LST1: variants seen among roughly 807,000 people sequenced by gnomAD.
LST1 encodes leukocyte specific transcript 1.
Under a neutral mutation model 8.5 loss-of-function variants are expected in LST1, and 9 were observed. The observed-to-expected ratio is 1.06, with a 90% CI of 0.64 to 1.85. The LOEUF (loss-of-function observed/expected upper bound fraction) is 1.85. Among genes scored for constraint, LST1 ranks in the 40% most tolerant of loss-of-function variants. The pLI is 0.00. For synonymous variants in LST1, 53 were observed against 50.4 expected (o/e 1.05, Z -0.21); for missense variants, 121 against 117.1 (o/e 1.03, Z -0.16).
In LST1 at chr6:31,587,672, C is replaced by T. The variant is rs777328111; in HGVS notation, c.51C>T (p.Gly17=). The part of the protein sequence containing the change: ...DICIYGGLGL[G]GLLLLAVVLL... ...GTATCTACGGGGGCCTGGGGCTGGG[C>T]GGGCTCCTGCTTCTGGCAGTGGTCC... The change falls in exon 3 of 5, where the codon GGC becomes GGT. Residue 17 remains glycine (G), a synonymous_variant. Transcript: ENST00000438075. 32 of 1,602,882 alleles carry T rather than the reference C, an allele frequency of 2.0e-5. No individual in the cohort carries two copies. The highest frequency in any genetic ancestry group is 2.5e-5 in the Non-Finnish European group (29 of 1,175,924).
At chr6:31,588,192 G>A in intron 4 of LST1, 2 of 574,352 alleles carry the variant, frequency 3.5e-6, no homozygotes, top group Non-Finnish European at 6.1e-6. Context: ...GAGAAAATGA[G>A]AGTGAGAGAG....
chr6:31,588,224 A>AAGAG (rs41266647), intron 4 of LST1: 13 of 551,164 alleles, frequency 2.4e-5, no homozygotes, highest in Non-Finnish European at 3.9e-5. Context: ...AGAGCAATGA[A>AAGAG]AGAGAGAGAG....
rs943445852 is a variant in LST1, at chr6:31,586,487, G to A, written c.-101+172G>A. Among the ~76,000 whole-genome samples the A allele has an allele frequency of 4.6e-5, 7 of 152,204 alleles. 1 individual carries two copies. ...AAAGACAATTCATTTCTGTGCCCAC[G>A]GCCCTTATGGCCTCCACCTGCACTT... is the stretch of plus-strand genomic sequence containing the variant. On this transcript the variant is annotated intron_variant, in intron 1 of 4. Coordinates refer to ENST00000438075, the MANE Select transcript of LST1 (RefSeq NM_205839.3).
chr6:31,587,118 A>G, intron 1 of LST1, 82 bp from the exon 2 acceptor site: 4 of 640,112 alleles, frequency 6.2e-6, no homozygotes, highest in Non-Finnish European at 1.1e-5. Context: ...TGAGGAATGG[A>G]AAGTGCCCAG....
intron 4 of LST1, 67 bp from the exon 5 acceptor site, chr6:31,588,451 G>A: frequency 1.3e-6 from 2 of 1,519,034 alleles, no homozygotes; most frequent in Admixed American, 2.0e-5. Context: ...CTGGAGGTGG[G>A]AGCAGAACTC....
rs1167924393 is a variant in LST1, at chr6:31,587,712, C to T, written c.91C>T (p.Leu31=). 1.2e-6 allele frequency: 2 copies of T among 1,602,190 alleles called. No individual in the cohort carries two copies. Among genetic ancestry groups the T allele is most frequent in the East Asian group, 2.2e-5 (1 of 44,668 alleles). Residue 31 remains leucine (L), a synonymous_variant, in exon 3 of 5, where the codon CTG becomes TTG. Coordinates refer to ENST00000438075, the MANE Select transcript of LST1 (RefSeq NM_205839.3). The stretch of plus-strand genomic sequence containing the variant: ...GGCAGTGGTCCTTCTGTCCGCCTGC[C>T]TGTGTTGGCTGCATCGAAGAGGTGA... The part of the protein sequence containing the change: ...LLAVVLLSAC[L]CWLHRRVKRL...
chr6:31,587,654 C>T lies in LST1; in HGVS notation c.33C>T (p.Tyr11=), dbSNP rs774523148. Reference sequence around the variant, plus strand: ...TCTTCCCTGAAGATATATGTATCTACGGGGGCCTGGGGCTGGGCGGGCTCC... The same window carrying T: ...TCTTCCCTGAAGATATATGTATCTATGGGGGCCTGGGGCTGGGCGGGCTCC... MLSRNDDICI[Y]GGLGLGGLLL... is the part of the protein sequence containing the mutation. Residue 11 remains tyrosine (Y), a synonymous_variant, in exon 3 of 5, where the codon TAC becomes TAT. Transcript: ENST00000438075. 1.0e-5 allele frequency: 16 copies of T among 1,600,332 alleles called. No individual in the cohort carries two copies. The highest frequency in any genetic ancestry group is 4.5e-5 in the East Asian group (2 of 44,700).
At position 31,588,784 on chromosome 6, in the gene LST1, A is replaced by G; in HGVS notation, c.*108A>G. ...TTCTGTGTCTCAGTCCTCTCAGTCC[A>G]TCTCGAGCCTCCGTTCAAATTGATC... On this transcript the variant is annotated 3_prime_UTR_variant, in exon 5 of 5. Transcript: ENST00000438075. The G allele has an allele frequency of 8.0e-7, 1 of 1,251,896 alleles. No homozygotes were observed. Among genetic ancestry groups the G allele is most frequent in the Non-Finnish European group, 1.2e-6 (1 of 854,306 alleles). 77.5% of individuals were successfully genotyped at this position (1,251,896 alleles called of 1,614,324 possible). A position where few individuals can be genotyped will look rare whatever the true frequency, so the allele number is the denominator to read the frequency against.
At chr6:31,587,858 G>T in intron 3 of LST1, 86 bp from the exon 4 acceptor site, 1 of 1,562,918 alleles carries the variant, frequency 6.4e-7, no homozygotes. Flanking sequence ...CAACAGGGGA[G>T]TCCACGCCTG....
chr6:31,588,400 GA>G (rs1772235981), intron 4 of LST1, 117 bp from the exon 5 acceptor site: 53 of 953,884 alleles, frequency 5.6e-5, no homozygotes, highest in South Asian at 8.5e-5. Context: ...GAGAGAGAGA[GA>G]GGGAGAGAGA....
At chr6:31,588,397 A>G (rs866285548) in intron 4 of LST1, 121 bp from the exon 5 acceptor site, 2,015 of 859,606 alleles carry the variant, frequency 2.3e-3, no homozygotes, top group Middle Eastern at 4.2e-3. Context: ...AGAGAGAGAG[A>G]GAGAGGGAGA....
intron 1 of LST1, 157 bp from the exon 2 acceptor site, chr6:31,587,043 C>T (rs908546744): frequency 8.5e-6 from 5 of 588,180 alleles, no homozygotes; most frequent in Admixed American, 3.0e-5. Context: ...AAAGTCCAGG[C>T]TTGAATCTCG....
Position 31,587,150 on chromosome 6 carries a change from A to G in LST1, c.-100-50A>G, listed in dbSNP as rs2150404188. On this transcript the variant is annotated intron_variant, in intron 1 of 4. Coordinates refer to ENST00000438075, the MANE Select transcript of LST1 (RefSeq NM_205839.3). ...CCAGCTCAGGGTTGGCACATAAGGG[A>G]GGCTCCCCAGCCTGGGAACGATTAT... is the stretch of plus-strand genomic sequence containing the variant. 8.8e-6 allele frequency: 6 copies of G among 681,824 alleles called. 1 individual carries two copies. The highest frequency in any genetic ancestry group is 7.3e-4 in the Middle Eastern group (2 of 2,756). 42.2% of individuals were successfully genotyped at this position (681,824 alleles called of 1,614,324 possible). A position where few individuals can be genotyped will look rare whatever the true frequency, so the allele number is the denominator to read the frequency against.
intron 4 of LST1, 144 bp from the exon 5 acceptor site, chr6:31,588,374 A>AAGAGAGAGAGAG: frequency 3.2e-6 from 2 of 626,338 alleles, no homozygotes; most frequent in Non-Finnish European, 5.4e-6. Context: ...CCAAAGAAAA[A>AAGAGAGAGAGAG]AGAGAGAGAG....
rs1204662605 is a variant in LST1, at chr6:31,587,329, T to G, written c.19+11T>G. ...TATCGCGGAATGATGGTAAGTAAAG[T>G]GTCTCTTGCATCTGCATAGAGAGAG... is the stretch of plus-strand genomic sequence containing the variant. On this transcript the variant is annotated intron_variant, in intron 2 of 4. Coordinates refer to ENST00000438075, the MANE Select transcript of LST1 (RefSeq NM_205839.3). The G allele has an allele frequency of 1.2e-6, 2 of 1,613,240 alleles. No individual in the cohort carries two copies. Among genetic ancestry groups the G allele is most frequent in the African/African-American group, 2.7e-5 (2 of 74,884 alleles).
At chr6:31,587,498 C>G (rs900390623) in intron 2 of LST1, 143 bp from the exon 3 acceptor site, 5 of 841,138 alleles carry the variant, frequency 5.9e-6, no homozygotes, top group African/African-American at 5.1e-5. Flanking sequence ...GTATTAAGGT[C>G]TGGGATGGAG....
At chr6:31,588,467 G>A in intron 4 of LST1, 51 bp from the exon 5 acceptor site, 1 of 1,547,280 alleles carries the variant, frequency 6.5e-7, no homozygotes, top group Non-Finnish European at 8.7e-7. Flanking sequence ...AACTCACAGG[G>A]AAGGATCTGA....
chr6:31,588,089 C>A, intron 4 of LST1, 123 bp downstream of exon 4: 2 of 997,952 alleles, frequency 2.0e-6, no homozygotes, highest in Non-Finnish European at 2.9e-6. Context: ...AAAGTAGGAG[C>A]ATGAGAGAGG....
intron 1 of LST1, 77 bp from the exon 2 acceptor site, chr6:31,587,123 G>A: frequency 1.5e-6 from 1 of 645,378 alleles, no homozygotes; most frequent in South Asian, 1.8e-5. Flanking sequence ...AATGGAAAGT[G>A]CCCAGCTCAG....
Sources: allele counts gnomAD v4.1 joint callset (sites outside exome capture counted in the v4.1 genomes callset), GRCh38; gene constraint gnomAD v4.1.1; transcripts MANE v1.5; gene names NCBI Gene and HGNC (gene_info 2026-07-23, HGNC 2026-07-21).